The following CCDC171 variants were observed in gnomAD, a reference collection of about 807,000 sequenced individuals.
CCDC171 encodes coiled-coil domain-containing protein 171.
A neutral mutation model predicts 168.2 loss-of-function variants in CCDC171; 177 were observed. The observed-to-expected ratio is 1.05, with a 90% CI of 0.93 to 1.19. The LOEUF is 1.19. CCDC171 is among the 50% of genes most tolerant of loss of function. The probability of loss-of-function intolerance (pLI) is 0.00; values close to 1 mark genes in which losing one functional copy is unlikely to be tolerated. For synonymous variants in CCDC171, 687 were observed against 540.8 expected (o/e 1.27, Z -3.75); for missense variants, 1,991 against 1,539.0 (o/e 1.29, Z -4.91).
chr9:15,631,347 C>A (rs975776813), intron 7 of CCDC171, among the ~76,000 whole-genome samples: 78 of 152,212 alleles, frequency 5.1e-4, no homozygotes, highest in African/African-American at 1.7e-3. Context: ...GATATCACCA[C>A]CGATCCCACA....
At chr9:15,809,026 G>C (rs551462052) in intron 21 of CCDC171, among the ~76,000 whole-genome samples, 1 of 152,044 alleles carries the variant, frequency 6.6e-6, no homozygotes, top group Non-Finnish European at 1.5e-5. Context: ...ATTTATATAA[G>C]GGCACTAATC....
At chr9:15,768,313 A>G (rs1311796327) in intron 18 of CCDC171, among the ~76,000 whole-genome samples, 1 of 152,206 alleles carries the variant, frequency 6.6e-6, no homozygotes, top group Non-Finnish European at 1.5e-5. Flanking sequence ...AGTATCTAAA[A>G]TAGAAACCTA....
At chr9:15,590,781 CTT>C (rs748552451) in intron 4 of CCDC171, among the ~76,000 whole-genome samples, 1 of 127,782 alleles carries the variant, frequency 7.8e-6, no homozygotes, top group Non-Finnish European at 1.7e-5. Flanking sequence ...CTCTTTCTTT[CTT>C]TCTTTCTTTC....
intron 7 of CCDC171, among the ~76,000 whole-genome samples, chr9:15,627,338 A>G (rs2045235040): frequency 6.8e-6 from 1 of 147,074 alleles, no homozygotes; most frequent in Admixed American, 6.7e-5. Flanking sequence ...TCTGTTCTTA[A>G]TTTTTTCTTG....
Position 15,986,947 on chromosome 9 carries a change from G to GGA in CCDC171, n.369-33642_369-33641insGA, listed in dbSNP as rs1554708077. On this transcript the variant is annotated intron_variant and non_coding_transcript_variant, in intron 3 of 9. Transcript: ENST00000486641. ...CATTAGAATTACTTGCATTTGTCCA[G>GGA]AAAAAAAACCTACATTGTTTATGCT... is the stretch of plus-strand genomic sequence containing the variant. Among the ~76,000 whole-genome samples the GGA allele has an allele frequency of 5.1e-3, 215 of 42,322 alleles. 2 individuals carry two copies. Among genetic ancestry groups the GGA allele is most frequent in the African/African-American group, 0.047 (195 of 4,184 alleles). 27.8% of individuals were successfully genotyped at this position (42,322 alleles called of 152,430 possible). A position where few individuals can be genotyped will look rare whatever the true frequency, so the allele number is the denominator to read the frequency against.
chr9:16,002,366 A>G (rs970257849), intron 3 of CCDC171, among the ~76,000 whole-genome samples: 1 of 151,872 alleles, frequency 6.6e-6, no homozygotes, highest in African/African-American at 2.4e-5. Flanking sequence ...GCCTAGACTA[A>G]TGTGTGTGTT....
chr9:15,715,707 A>C (rs1001670268), intron 11 of CCDC171, among the ~76,000 whole-genome samples: 1 of 152,182 alleles, frequency 6.6e-6, no homozygotes, highest in African/African-American at 2.4e-5. Flanking sequence ...TAGAAAAATG[A>C]AGTAGGTAAC....
rs1045133990 is a variant in CCDC171, at chr9:15,906,731, T to C, written c.3601-13539T>C. Among the ~76,000 whole-genome samples the C allele has an allele frequency of 2.6e-4, 40 of 152,142 alleles. 1 individual carries two copies. Among genetic ancestry groups the C allele is most frequent in the Non-Finnish European group, 2.9e-4 (20 of 68,028 alleles). On this transcript the variant is annotated intron_variant, in intron 24 of 25. Coordinates refer to ENST00000380701, the MANE Select transcript of CCDC171 (RefSeq NM_173550.4). ...TCAATGAGGAAAAGAGGAAGTCAAA[T>C]TGTCCCTGTTTGCAGACGACATGAT...
At chr9:16,071,159 T>A in the CCDC171 span, among the ~76,000 whole-genome samples, 6 of 152,140 alleles carry the variant, frequency 3.9e-5, no homozygotes, top group South Asian at 1.2e-3. Flanking sequence ...GGAGATGGAG[T>A]TCCGATGGCA....
At chr9:15,700,944 G>A (rs2051682553) in intron 11 of CCDC171, among the ~76,000 whole-genome samples, 1 of 151,774 alleles carries the variant, frequency 6.6e-6, no homozygotes, top group Non-Finnish European at 1.5e-5. Flanking sequence ...TAACTGTGGT[G>A]AGATGATATC....
intron 21 of CCDC171, among the ~76,000 whole-genome samples, chr9:15,788,962 AATAAATGCACTGCATTTATTGC>A (rs199698512): frequency 1.8e-3 from 276 of 152,260 alleles, no homozygotes; most frequent in East Asian, 0.017. Context: ...CATTCCCTGC[AATAAATGCACTGCATTTATTGC>A]ATAAATGCAC....
At chr9:15,589,853 G>T (rs1306975667) in intron 4 of CCDC171, among the ~76,000 whole-genome samples, 1 of 152,030 alleles carries the variant, frequency 6.6e-6, no homozygotes, top group Non-Finnish European at 1.5e-5. Flanking sequence ...AAAATTTGAG[G>T]ACCAATTTGA....
chr9:15,572,338 C>G (rs2040297731), intron 3 of CCDC171, among the ~76,000 whole-genome samples: 1 of 151,978 alleles, frequency 6.6e-6, no homozygotes. Context: ...TCTGATAAGT[C>G]TTATTTATTC....
intron 9 of CCDC171, among the ~76,000 whole-genome samples, chr9:15,676,006 C>T (rs1365810009): frequency 2.0e-5 from 3 of 152,202 alleles, no homozygotes; most frequent in Non-Finnish European, 4.4e-5. Flanking sequence ...CTTTCAGGTA[C>T]ACCAATCAAA....
intron 10 of CCDC171, 108 bp downstream of exon 10, chr9:15,679,004 T>C (rs987351214): frequency 3.9e-6 from 3 of 760,290 alleles, no homozygotes; most frequent in South Asian, 2.2e-5. Flanking sequence ...ATGCAAGTTA[T>C]TTTAGTGACA....
At chr9:16,065,338 C>T (rs956568912), downstream of CCDC171, among the ~76,000 whole-genome samples, 4 of 152,024 alleles carry the variant, frequency 2.6e-5, no homozygotes, top group African/African-American at 2.4e-5. Context: ...CCCACCACTT[C>T]TGGGACGTTC....
At chr9:15,756,293 TGAATTA>T (rs1349617750) in intron 18 of CCDC171, among the ~76,000 whole-genome samples, 1 of 152,090 alleles carries the variant, frequency 6.6e-6, no homozygotes, top group African/African-American at 2.4e-5. Flanking sequence ...TTGAAAAAAA[TGAATTA>T]GAAAAGAATA....
At chr9:15,847,554 G>A (rs2060951756) in intron 22 of CCDC171, among the ~76,000 whole-genome samples, 1 of 152,034 alleles carries the variant, frequency 6.6e-6, no homozygotes, top group South Asian at 2.1e-4. Context: ...ATACTTTAAA[G>A]ACAGTTCTTT....
chr9:15,906,775 C>G (rs571442852), intron 24 of CCDC171, among the ~76,000 whole-genome samples: 1 of 152,044 alleles, frequency 6.6e-6, no homozygotes, highest in Admixed American at 6.6e-5. Context: ...TAGAAAACCC[C>G]ATCGTCTCAG....
Sources: gnomAD v4.1 joint callset for allele counts (sites outside exome capture counted in the v4.1 genomes callset) on GRCh38, gnomAD v4.1.1 for gene constraint, MANE v1.5 for transcripts, NCBI Gene and HGNC (gene_info 2026-07-23, HGNC 2026-07-21) for gene names.